The following ISCA1 variants were observed in gnomAD, a reference collection of about 807,000 sequenced individuals.
The protein encoded by ISCA1 is iron-sulfur cluster assembly 1.
A neutral mutation model predicts 14.7 loss-of-function variants in ISCA1; 9 were observed. The observed-to-expected ratio is 0.61, with a 90% CI of 0.37 to 1.07. ISCA1 has a LOEUF of 1.07. ISCA1 is among the 50% of genes least tolerant of loss of function. ISCA1 has a pLI of 0.01. For synonymous variants in ISCA1, 38 were observed against 54.3 expected (o/e 0.70, Z 1.32); for missense variants, 102 against 150.1 (o/e 0.68, Z 1.67).
At chr9:86,267,181 T>A in intron 3 of ISCA1, 1 of 277,366 alleles carries the variant, frequency 3.6e-6, no homozygotes, top group Non-Finnish European at 5.5e-6. Flanking sequence ...ACCATGATTG[T>A]GCCACTGCAC....
chr9:86,267,219 T>C lies in ISCA1; in HGVS notation c.242-1028A>G, dbSNP rs1012803373. Reference sequence around the variant, plus strand: ...CAGCCTGGGTAAGAGAGCAAGACTCTGTCTCAACAAACAAACAAAACAACG... The same window carrying C: ...CAGCCTGGGTAAGAGAGCAAGACTCCGTCTCAACAAACAAACAAAACAACG... On this transcript the variant is annotated intron_variant, in intron 3 of 3. Coordinates refer to ENST00000375991, the MANE Select transcript of ISCA1 (RefSeq NM_030940.4). 5.4e-6 allele frequency: 3 copies of C among 556,394 alleles called. No individual in the cohort carries two copies. The African/African-American group carries it at 6.1e-5, about 11-fold the overall frequency. 34.5% of individuals were successfully genotyped at this position (556,394 alleles called of 1,614,324 possible).
In ISCA1 at chr9:86,266,150, A is replaced by G; in HGVS notation, c.283T>C (p.Leu95=). 6.2e-7 allele frequency: 1 copy of G among 1,611,638 alleles called. No individual in the cohort carries two copies. The highest frequency in any genetic ancestry group is 8.5e-7 in the Non-Finnish European group (1 of 1,179,154). ...TCAACATAGTCCATTTCTGTTCCTA[A>G]AAGTGTTAGCTGTGCTTTCTTTTCG... The part of the protein sequence containing the change: ...FIEKKAQLTL[L]GTEMDYVEDK... Residue 95 remains leucine (L), a synonymous_variant, in exon 4 of 4, where the codon TTA becomes CTA. Transcript: ENST00000375991.
chr9:86,277,373 A>G (rs1005259265), intron 1 of ISCA1, among the ~76,000 whole-genome samples: 6 of 152,194 alleles, frequency 3.9e-5, no homozygotes, highest in African/African-American at 1.4e-4. Flanking sequence ...ATGATGGACA[A>G]CCCAGGTCAG....
intron 1 of ISCA1, among the ~76,000 whole-genome samples, chr9:86,275,508 A>C (rs1825430231): frequency 6.6e-6 from 1 of 152,226 alleles, no homozygotes; most frequent in Non-Finnish European, 1.5e-5. Flanking sequence ...ATGCTTAAAC[A>C]CAGTACAGAC....
intron 1 of ISCA1, 69 bp downstream of exon 1, chr9:86,282,309 G>C: frequency 2.0e-6 from 3 of 1,482,406 alleles, no homozygotes; most frequent in Non-Finnish European, 2.7e-6. Flanking sequence ...CCCGGCCGCC[G>C]TGACCTCCCC....
chr9:86,282,163 G>A (rs1055756304), intron 1 of ISCA1: 8 of 573,894 alleles, frequency 1.4e-5, no homozygotes, highest in Non-Finnish European at 2.4e-5. Flanking sequence ...CGTAGTTTCC[G>A]GGGCCAAGAG....
chr9:86,282,007 G>C, intron 1 of ISCA1: 5 of 206,640 alleles, frequency 2.4e-5, no homozygotes, highest in South Asian at 1.1e-4. Context: ...GGGAACCCCC[G>C]CCACCGGGCA....
At chr9:86,280,816 G>A (rs766527427) in intron 1 of ISCA1, among the ~76,000 whole-genome samples, 6 of 151,710 alleles carry the variant, frequency 4.0e-5, no homozygotes, top group Admixed American at 6.6e-5. Context: ...TGGTCCCAGC[G>A]ACTTGGGAGC....
intron 1 of ISCA1, among the ~76,000 whole-genome samples, chr9:86,275,891 T>C (rs932758360): frequency 4.6e-5 from 7 of 152,286 alleles, no homozygotes; most frequent in African/African-American, 1.7e-4. Context: ...GTTACAGAAA[T>C]AGTTATTATT....
rs1471185655 is a variant in ISCA1 at position 86,282,482 on chromosome 9, G to GC, written c.-25dup. The GC allele has an allele frequency of 3.2e-6, 5 of 1,550,378 alleles. No individual in the cohort carries two copies. In the African/African-American group the frequency reaches 6.8e-5, roughly 21 times the overall value. ...ATCTTCGCCGTCCCGGCGCCCCGGTGCCTCGGGCCGAAGGTCGGCCGCCTC... is the reference window on the plus strand; with the variant it reads ...ATCTTCGCCGTCCCGGCGCCCCGGTGCCCTCGGGCCGAAGGTCGGCCGCCTC... On this transcript the variant is annotated 5_prime_UTR_variant, in exon 1 of 4. Transcript: ENST00000375991.
intron 1 of ISCA1, among the ~76,000 whole-genome samples, chr9:86,281,745 T>C (rs1049975384): frequency 6.6e-6 from 1 of 152,224 alleles, no homozygotes; most frequent in Admixed American, 6.5e-5. Context: ...AAACTCACTC[T>C]GGGAAATCAT....
In ISCA1 at chr9:86,282,447, G is replaced by T; in HGVS notation, c.12C>A (p.Ser4=). The part of the protein sequence containing the change: MSA[S]LVRATVRAVS... Reference sequence around the variant, plus strand: ...CAGCCCGGACAGTTGCCCGGACTAAGGAAGCCGACATCTTCGCCGTCCCGG... The same window carrying T: ...CAGCCCGGACAGTTGCCCGGACTAATGAAGCCGACATCTTCGCCGTCCCGG... The change falls in exon 1 of 4, where the codon TCC becomes TCA. Residue 4 remains serine (S), a synonymous_variant. Coordinates refer to ENST00000375991, the MANE Select transcript of ISCA1 (RefSeq NM_030940.4). 6.4e-7 allele frequency: 1 copy of T among 1,553,912 alleles called. No homozygotes were observed. Among genetic ancestry groups the T allele is most frequent in the Non-Finnish European group, 8.7e-7 (1 of 1,148,738 alleles).
chr9:86,282,283 T>C, intron 1 of ISCA1, 95 bp downstream of exon 1: 1 of 1,349,112 alleles, frequency 7.4e-7, no homozygotes, highest in South Asian at 1.4e-5. Flanking sequence ...CGTGTCCGCG[T>C]CCCTGCGGCC....
chr9:86,276,922 G>T (rs1342170595), intron 1 of ISCA1, among the ~76,000 whole-genome samples: 3 of 149,226 alleles, frequency 2.0e-5, no homozygotes, highest in African/African-American at 7.4e-5. Context: ...AATATCCGCG[G>T]GAACTAAAAT....
At chr9:86,281,554 T>A (rs1158955907) in intron 1 of ISCA1, among the ~76,000 whole-genome samples, 2 of 152,252 alleles carry the variant, frequency 1.3e-5, no homozygotes, top group Non-Finnish European at 2.9e-5. Context: ...ACACTGTGAA[T>A]GTCTTAAATG....
At position 86,282,530 on chromosome 9, in the gene ISCA1, G is replaced by A. The variant is rs1358017584; in HGVS notation, c.-72C>T. ...CTCAGCTTCTCTCCATGGACACGGCGGGCGCATTGACGCCACAAGCTTCGG... is the reference window on the plus strand; with the variant it reads ...CTCAGCTTCTCTCCATGGACACGGCAGGCGCATTGACGCCACAAGCTTCGG... On this transcript the variant is annotated 5_prime_UTR_variant, in exon 1 of 4. Transcript: ENST00000375991. 37 of 1,549,284 alleles carry A rather than the reference G, an allele frequency of 2.4e-5. No individual in the cohort carries two copies. The highest frequency in any genetic ancestry group is 1.6e-4 in the Admixed American group (8 of 50,964).
intron 3 of ISCA1, chr9:86,267,494 C>G (rs1825304809): frequency 1.0e-6 from 1 of 976,150 alleles, no homozygotes; most frequent in Non-Finnish European, 1.2e-6. Context: ...TGCATACTTC[C>G]AATGACAAGA....
intron 1 of ISCA1, among the ~76,000 whole-genome samples, chr9:86,279,161 A>G (rs1316314158): frequency 5.3e-5 from 8 of 152,212 alleles, no homozygotes; most frequent in Admixed American, 5.2e-4. Flanking sequence ...CTAGCTTCTC[A>G]ACTGGACTCC....
intron 3 of ISCA1, among the ~76,000 whole-genome samples, chr9:86,268,394 TTTG>T (rs1314699677): frequency 4.0e-5 from 6 of 151,598 alleles, no homozygotes; most frequent in Admixed American, 3.3e-4. Context: ...GTAAAAAATT[TTTG>T]TTATTTGTAC....
Sources: allele counts gnomAD v4.1 joint callset (sites outside exome capture counted in the v4.1 genomes callset), GRCh38; gene constraint gnomAD v4.1.1; transcripts MANE v1.5; gene names NCBI Gene and HGNC (gene_info 2026-07-23, HGNC 2026-07-21).